GXYLT1: variants seen among roughly 807,000 people sequenced by gnomAD.
GXYLT1 encodes glucoside xylosyltransferase 1, also known as glycosyltransferase 8 domain containing 3.
GXYLT1 carries 29 observed loss-of-function variants against 54.0 expected under a neutral mutation model. That is an observed-to-expected ratio of 0.54 (90% confidence interval 0.40 to 0.73). GXYLT1 has a LOEUF of 0.73. Among genes scored for constraint, GXYLT1 ranks in the 30% least tolerant of loss-of-function variants. The pLI is 0.00. For synonymous variants in GXYLT1, 176 were observed against 204.1 expected, an observed-to-expected ratio of 0.86 and a Z score of 1.17; for missense variants, 490 against 553.4, an observed-to-expected ratio of 0.89 and a Z score of 1.15.
chr12:42,120,475 T>C (rs966454432), intron 2 of GXYLT1, among the ~76,000 whole-genome samples: 8 of 152,182 alleles, frequency 5.3e-5, no homozygotes, highest in Non-Finnish European at 1.2e-4. Flanking sequence ...ACCTCTTGCT[T>C]CTGCTGTGCC....
chr12:42,116,992 G>A (rs1360526139), intron 3 of GXYLT1, among the ~76,000 whole-genome samples: 1 of 151,632 alleles, frequency 6.6e-6, no homozygotes, highest in African/African-American at 2.4e-5. Flanking sequence ...CATGGATGAA[G>A]CTGGAAACCA....
chr12:42,108,094 A>C (rs1327695016), intron 4 of GXYLT1, among the ~76,000 whole-genome samples: 6 of 152,236 alleles, frequency 3.9e-5, no homozygotes, highest in Non-Finnish European at 5.9e-5. Flanking sequence ...ATTAACAATA[A>C]AGTATGAGGT....
chr12:42,125,059 C>T (rs1398905911), intron 2 of GXYLT1, among the ~76,000 whole-genome samples: 3 of 151,990 alleles, frequency 2.0e-5, no homozygotes, highest in Admixed American at 6.6e-5. Context: ...ACAACAAATG[C>T]GGTAAATACA....
At chr12:42,111,995 G>A (rs1414109955) in intron 3 of GXYLT1, among the ~76,000 whole-genome samples, 2 of 152,174 alleles carry the variant, frequency 1.3e-5, no homozygotes, top group Admixed American at 6.5e-5. Flanking sequence ...CTGCTGTTCT[G>A]CAGCCACTGC....
At chr12:42,124,110 A>G (rs2065547073) in intron 2 of GXYLT1, among the ~76,000 whole-genome samples, 1 of 151,926 alleles carries the variant, frequency 6.6e-6, no homozygotes, top group Non-Finnish European at 1.5e-5. Context: ...AAATATAAGT[A>G]TTAACTTCTA....
chr12:42,133,080 T>C (rs1189319681), intron 1 of GXYLT1, among the ~76,000 whole-genome samples: 2 of 152,014 alleles, frequency 1.3e-5, no homozygotes, highest in Non-Finnish European at 2.9e-5. Context: ...GTCAGGAGTT[T>C]GAGAATGGCC....
intron 7 of GXYLT1, among the ~76,000 whole-genome samples, chr12:42,091,469 T>C (rs1393858338): frequency 6.6e-6 from 1 of 152,184 alleles, no homozygotes; most frequent in Non-Finnish European, 1.5e-5. Flanking sequence ...TAGGAATGCA[T>C]TTCTTTTCTA....
intron 7 of GXYLT1, among the ~76,000 whole-genome samples, chr12:42,094,055 T>TAA (rs34117278): frequency 4.2e-5 from 6 of 142,816 alleles, no homozygotes; most frequent in African/African-American, 1.5e-4. Flanking sequence ...ATTACAACTT[T>TAA]AAAAAAAAAA....
At chr12:42,125,934 G>A (rs1404794563) in intron 2 of GXYLT1, among the ~76,000 whole-genome samples, 1 of 152,136 alleles carries the variant, frequency 6.6e-6, no homozygotes, top group Non-Finnish European at 1.5e-5. Flanking sequence ...GACTCAGGCA[G>A]GAGGATCACT....
intron 2 of GXYLT1, among the ~76,000 whole-genome samples, chr12:42,120,460 T>G (rs2065524120): frequency 1.3e-5 from 2 of 152,216 alleles, no homozygotes; most frequent in East Asian, 3.9e-4. Context: ...TAAGTAACTT[T>G]TAATACCTCT....
rs558122491 is a variant in GXYLT1 at position 42,116,969 on chromosome 12, T to C, written c.486+2031A>G. ...AGCCATAAAAAATGATGAGTTCATGTCCTTTGTAGGGACATGGATGAAGCT... is the reference window on the plus strand; with the variant it reads ...AGCCATAAAAAATGATGAGTTCATGCCCTTTGTAGGGACATGGATGAAGCT... On this transcript the variant is annotated intron_variant, in intron 3 of 7. Transcript: ENST00000398675. 2.0e-5 allele frequency among the ~76,000 whole-genome samples: 3 copies of C among 152,000 alleles called. No homozygotes were observed. In the East Asian group the frequency reaches 5.8e-4, roughly 29 times the overall value.
Position 42,144,635 on chromosome 12 carries a change from G to A in GXYLT1, c.12C>T (p.Tyr4=). 2.1e-6 allele frequency: 3 copies of A among 1,454,286 alleles called. No individual in the cohort carries two copies. The highest frequency in any genetic ancestry group is 2.7e-6 in the Non-Finnish European group (3 of 1,100,682). 90.1% of individuals were successfully genotyped at this position (1,454,286 alleles called of 1,614,324 possible). MRR[Y]LRVVVLCVAC... is the part of the protein sequence containing the mutation. Reference sequence around the variant, plus strand: ...CCACACACAGCACCACGACGCGCAGGTAGCGCCGCATCGCCCCGGCCGCGC... The same window carrying A: ...CCACACACAGCACCACGACGCGCAGATAGCGCCGCATCGCCCCGGCCGCGC... The change falls in exon 1 of 8, where the codon TAC becomes TAT. Residue 4 remains tyrosine, a synonymous_variant. Coordinates refer to ENST00000398675, the MANE Select transcript of GXYLT1 (RefSeq NM_173601.2).
chr12:42,114,964 G>A (rs534014105), intron 3 of GXYLT1, among the ~76,000 whole-genome samples: 1 of 152,126 alleles, frequency 6.6e-6, no homozygotes, highest in African/African-American at 2.4e-5. Flanking sequence ...TGGAATGCAA[G>A]GCTGGTTCAA....
chr12:42,102,999 A>G (rs1396366086), intron 5 of GXYLT1, among the ~76,000 whole-genome samples: 1 of 151,212 alleles, frequency 6.6e-6, no homozygotes, highest in Non-Finnish European at 1.5e-5. Flanking sequence ...GTCACTCTGT[A>G]GCTCAGGCTG....
At chr12:42,092,135 A>G (rs1431575854) in intron 7 of GXYLT1, among the ~76,000 whole-genome samples, 1 of 152,236 alleles carries the variant, frequency 6.6e-6, no homozygotes, top group Non-Finnish European at 1.5e-5. Flanking sequence ...ATTATAGTGA[A>G]GTGTTTTTAT....
intron 1 of GXYLT1, among the ~76,000 whole-genome samples, chr12:42,135,289 A>T (rs992001773): frequency 6.6e-6 from 1 of 152,238 alleles, no homozygotes; most frequent in African/African-American, 2.4e-5. Context: ...TCATAGCCAT[A>T]GACATGTAAT....
chr12:42,136,751 T>TATACATACATACATAC (rs58827513), intron 1 of GXYLT1, among the ~76,000 whole-genome samples: 29,277 of 147,240 alleles, frequency 0.2, 3,234 homozygotes, highest in South Asian at 0.28. Context: ...GGAGGTTTTT[T>TATACATACATACATAC]ATACATACAT....
At chr12:42,129,706 CAACT>C in intron 2 of GXYLT1, 49 bp downstream of exon 2, 7 of 1,064,324 alleles carry the variant, frequency 6.6e-6, no homozygotes, top group Non-Finnish European at 8.7e-6. Context: ...GTTTTATTAT[CAACT>C]ATCTAACCTT....
chr12:42,122,672 G>C (rs1294189031), intron 2 of GXYLT1, among the ~76,000 whole-genome samples: 1 of 152,102 alleles, frequency 6.6e-6, no homozygotes, highest in Non-Finnish European at 1.5e-5. Context: ...TTTTTTTAAA[G>C]ATGAATACCA....
Sources: allele counts gnomAD v4.1 joint callset (sites outside exome capture counted in the v4.1 genomes callset), GRCh38; gene constraint gnomAD v4.1.1; transcripts MANE v1.5; gene names NCBI Gene and HGNC (gene_info 2026-07-23, HGNC 2026-07-21).